The following PRKD1 variants were observed in gnomAD, a reference collection of about 807,000 sequenced individuals.
PRKD1 encodes the protein serine/threonine-protein kinase D1.
In PRKD1, 63 loss-of-function variants were observed where a neutral mutation model predicts 95.9. The ratio of observed to expected loss-of-function variants is 0.66; its 90% CI spans 0.54 to 0.81. The LOEUF (loss-of-function observed/expected upper bound fraction) is 0.81. Among genes scored for constraint, PRKD1 ranks in the 30% least tolerant of loss-of-function variants. The pLI is 0.00. For missense variants in PRKD1, 1,048 were observed against 1,165.3 expected (o/e 0.90, Z 1.47); for synonymous variants, 425 against 423.1 (o/e 1.00, Z -0.05).
chr14:29,709,222 T>TA (rs1885226635), intron 2 of PRKD1, among the ~76,000 whole-genome samples: 1 of 152,176 alleles, frequency 6.6e-6, no homozygotes, highest in South Asian at 2.1e-4. Context: ...TTAAAAGACA[T>TA]ACAATTTATT....
At chr14:29,600,383 A>C (rs1454407483) in intron 13 of PRKD1, among the ~76,000 whole-genome samples, 2 of 152,166 alleles carry the variant, frequency 1.3e-5, no homozygotes, top group Non-Finnish European at 2.9e-5. Flanking sequence ...TGCTTTGTCT[A>C]CAATACCATC....
At chr14:29,715,949 T>C (rs764678388) in intron 2 of PRKD1, among the ~76,000 whole-genome samples, 13 of 152,196 alleles carry the variant, frequency 8.5e-5, no homozygotes, top group Non-Finnish European at 1.0e-4. Context: ...CCTTACTATA[T>C]TTTTTAGAAT....
intron 1 of PRKD1, among the ~76,000 whole-genome samples, chr14:29,813,351 C>T (rs899588879): frequency 5.3e-5 from 8 of 152,106 alleles, no homozygotes; most frequent in African/African-American, 1.7e-4. Context: ...GATGCTGGTA[C>T]AGTTACTTAA....
chr14:29,630,655 T>C (rs1276068146), intron 10 of PRKD1, 87 bp downstream of exon 10: 2 of 1,534,744 alleles, frequency 1.3e-6, no homozygotes, highest in Non-Finnish European at 1.8e-6. Context: ...CTTCATTCTG[T>C]TCTTAGGAAG....
chr14:29,646,755 A>G (rs971705936), intron 4 of PRKD1, among the ~76,000 whole-genome samples: 1 of 151,842 alleles, frequency 6.6e-6, no homozygotes, highest in Non-Finnish European at 1.5e-5. Context: ...AAAAAACGAA[A>G]AAAAAAAAAA....
At chr14:29,702,230 G>A (rs767617424) in intron 2 of PRKD1, among the ~76,000 whole-genome samples, 64 of 151,992 alleles carry the variant, frequency 4.2e-4, no homozygotes, top group Admixed American at 3.3e-4. Flanking sequence ...CTCTAATTGC[G>A]TGTAAGAGCT....
chr14:29,669,991 T>C (rs1439373052), intron 2 of PRKD1, among the ~76,000 whole-genome samples: 5 of 152,244 alleles, frequency 3.3e-5, no homozygotes, highest in Non-Finnish European at 7.3e-5. Context: ...TTATTGCATT[T>C]GTGAATATCT....
chr14:29,588,083 C>T (rs564671186), intron 16 of PRKD1, among the ~76,000 whole-genome samples: 9 of 152,306 alleles, frequency 5.9e-5, no homozygotes, highest in African/African-American at 2.2e-4. Flanking sequence ...GCTGGATCTG[C>T]AAGGCTCATA....
Position 29,903,310 on chromosome 14 carries a change from G to C in PRKD1, c.264+23939C>G, listed in dbSNP as rs146158529. 2.0e-4 allele frequency among the ~76,000 whole-genome samples: 31 copies of C among 152,276 alleles called. No individual in the cohort carries two copies. In the East Asian group the frequency reaches 4.4e-3, roughly 22 times the overall value. ...ACAAATCATTCTGCATTTCATTAAT[G>C]CAATACCTTTGGCACACGACCCTTT... On this transcript the variant is annotated intron_variant, in intron 1 of 17. Coordinates refer to ENST00000331968, the MANE Select transcript of PRKD1 (RefSeq NM_002742.3).
At chr14:29,615,354 T>C (rs1594363816) in intron 13 of PRKD1, among the ~76,000 whole-genome samples, 1 of 152,148 alleles carries the variant, frequency 6.6e-6, no homozygotes, top group South Asian at 2.1e-4. Flanking sequence ...AACTTAAAAA[T>C]ACACAAGGAG....
At chr14:29,717,596 G>A (rs2139372754) in intron 2 of PRKD1, among the ~76,000 whole-genome samples, 1 of 152,102 alleles carries the variant, frequency 6.6e-6, no homozygotes, top group East Asian at 1.9e-4. Context: ...TTGGAACAGT[G>A]CATAACATAT....
At chr14:29,629,244 A>G in intron 10 of PRKD1, 151 bp from the exon 11 acceptor site, 1 of 614,962 alleles carries the variant, frequency 1.6e-6, no homozygotes, top group South Asian at 2.0e-5. Flanking sequence ...TCATTAGAAT[A>G]TTTATTTCCT....
chr14:29,596,919 A>T (rs1893328441), intron 16 of PRKD1, among the ~76,000 whole-genome samples: 1 of 152,178 alleles, frequency 6.6e-6, no homozygotes, highest in South Asian at 2.1e-4. Flanking sequence ...AACACTGTCA[A>T]GGTAATCTAT....
At chr14:29,727,342 G>C (rs1462684557) in intron 1 of PRKD1, among the ~76,000 whole-genome samples, 1 of 151,902 alleles carries the variant, frequency 6.6e-6, no homozygotes, top group East Asian at 1.9e-4. Flanking sequence ...CCATTTTGTG[G>C]GTTGCCTGTT....
At chr14:29,766,323 A>C (rs1369520525) in intron 1 of PRKD1, among the ~76,000 whole-genome samples, 5 of 152,182 alleles carry the variant, frequency 3.3e-5, no homozygotes, top group African/African-American at 1.2e-4. Flanking sequence ...ATTCTCCTTG[A>C]TAGCTTTCTC....
intron 1 of PRKD1, among the ~76,000 whole-genome samples, chr14:29,827,098 G>A (rs934935767): frequency 1.3e-5 from 2 of 150,868 alleles, no homozygotes; most frequent in African/African-American, 4.9e-5. Context: ...AAGGAGTGAG[G>A]GATAAAAGAT....
intron 1 of PRKD1, among the ~76,000 whole-genome samples, chr14:29,792,701 A>C (rs1238763593): frequency 6.6e-6 from 1 of 151,984 alleles, no homozygotes; most frequent in Non-Finnish European, 1.5e-5. Flanking sequence ...TTGTTGAAAA[A>C]CTCAGGCAAA....
chr14:29,818,626 A>AG (rs1217592078), intron 1 of PRKD1, among the ~76,000 whole-genome samples: 3 of 151,850 alleles, frequency 2.0e-5, no homozygotes, highest in Non-Finnish European at 4.4e-5. Flanking sequence ...GAAAAAAAAA[A>AG]AAAAGAAAAG....
At position 29,870,391 on chromosome 14, in the gene PRKD1, G is replaced by GA. The variant is rs892537706; in HGVS notation, c.264+56857dup. Among the ~76,000 whole-genome samples, 12 of 151,024 alleles carry GA rather than the reference G, an allele frequency of 7.9e-5. 1 individual carries two copies. The highest frequency in any genetic ancestry group is 1.0e-4 in the Non-Finnish European group (7 of 67,684). ...AAAAATATTCATAGCTGCAGGTGTA[G>GA]AAAAAAAAAGGCAGAATTATGGCTT... On this transcript the variant is annotated intron_variant, in intron 1 of 17. Coordinates refer to ENST00000331968, the MANE Select transcript of PRKD1 (RefSeq NM_002742.3).
Sources: allele counts gnomAD v4.1 joint callset (sites outside exome capture counted in the v4.1 genomes callset), GRCh38; gene constraint gnomAD v4.1.1; transcripts MANE v1.5; gene names NCBI Gene and HGNC (gene_info 2026-07-23, HGNC 2026-07-21).